SLC17A7: variants seen among roughly 807,000 people sequenced by gnomAD.
SLC17A7 encodes solute carrier family 17 member 7, also known as vesicular glutamate transporter 1.
In SLC17A7, 15 loss-of-function variants were observed where a neutral mutation model predicts 59.1. The observed-to-expected ratio is 0.25, with a 90% CI of 0.17 to 0.39. The LOEUF (loss-of-function observed/expected upper bound fraction) is 0.39, where lower values mean the gene tolerates loss of function less well. Among genes scored for constraint, SLC17A7 ranks in the 10% least tolerant of loss-of-function variants. The pLI, the probability that SLC17A7 is intolerant of heterozygous loss-of-function variation, is 1.00. For synonymous variants in SLC17A7, 353 were observed against 308.9 expected, an observed-to-expected ratio of 1.14 and a Z score of -1.50; for missense variants, 499 against 765.1, an observed-to-expected ratio of 0.65 and a Z score of 4.10.
rs371932406 is a variant in SLC17A7, at chr19:49,434,828, T to A, written c.489A>T (p.Ser163=). Residue 163 remains serine (S), a synonymous_variant, in exon 4 of 12, where the codon TCA becomes TCT. Transcript: ENST00000221485. ...ATSTLNMLIP[S]AARVHYGCVI... ...CACAGCCATAGTGGACGCGGGCAGC[T>A]GAGGGGATCAGCATGTTTAGAGTGG... 7.4e-6 allele frequency: 12 copies of A among 1,614,170 alleles called. No individual in the cohort carries two copies. In the South Asian group the frequency reaches 7.7e-5, roughly 10 times the overall value.
chr19:49,433,589 C>T lies in SLC17A7; in HGVS notation c.867+137G>A, dbSNP rs1274281651. On this transcript the variant is annotated intron_variant, in intron 7 of 11. Coordinates refer to ENST00000221485, the MANE Select transcript of SLC17A7 (RefSeq NM_020309.4). The surrounding 1 kb of genome is among the most constrained non-coding windows in gnomAD (Gnocchi z 5.7). ...TCCTCCGCGGGTTGCAACCCGCCTCCTAGGTTCTAGCCCCTCTCTTTGCGT... is the reference window on the plus strand; with the variant it reads ...TCCTCCGCGGGTTGCAACCCGCCTCTTAGGTTCTAGCCCCTCTCTTTGCGT... 1.5e-6 allele frequency: 2 copies of T among 1,318,314 alleles called. No individual in the cohort carries two copies. The highest frequency in any genetic ancestry group is 1.2e-5 in the South Asian group (1 of 80,016). 81.7% of individuals were successfully genotyped at this position (1,318,314 alleles called of 1,614,324 possible).
chr19:49,437,137 G>A lies in SLC17A7; in HGVS notation c.63-336C>T, dbSNP rs191994625. On this transcript the variant is annotated intron_variant, in intron 1 of 11. Transcript: ENST00000221485. The stretch of plus-strand genomic sequence containing the variant: ...CAAGAGCCTGTGCCCCCACTCCGAG[G>A]CCCAAAGACTCTCCAGCCGCCTCTC... 7 of 401,294 alleles carry A rather than the reference G, an allele frequency of 1.7e-5. No homozygotes were observed. In the East Asian group the frequency reaches 2.8e-4, roughly 16 times the overall value. The allele number at this position is 401,294 out of a possible 1,614,324, so 24.9% of individuals were successfully genotyped here. A position where few individuals can be genotyped will look rare whatever the true frequency, so the allele number is the denominator to read the frequency against.
Position 49,431,787 on chromosome 19 carries a change from T to TGGG in SLC17A7, c.1151-340_1151-339insCCC, listed in dbSNP as rs1568633805. Among the ~76,000 whole-genome samples the TGGG allele has an allele frequency of 2.7e-4, 41 of 150,158 alleles. No individual in the cohort carries two copies. The highest frequency in any genetic ancestry group is 8.5e-4 in the South Asian group (4 of 4,728). On this transcript the variant is annotated intron_variant, in intron 9 of 11. Coordinates refer to ENST00000221485, the MANE Select transcript of SLC17A7 (RefSeq NM_020309.4). This position sits in a 1 kb window ranked among gnomAD's most constrained non-coding sequence, Gnocchi z 4.6. ...TCCCCACTCATGAGTTTTTGGTTTT[T>TGGG]TTTTTTTTTAATTTTTGATTTTTTA...
At chr19:49,434,387 C>A (rs1054965834) in intron 5 of SLC17A7, among the ~76,000 whole-genome samples, 6 of 151,298 alleles carry the variant, frequency 4.0e-5, no homozygotes, top group Non-Finnish European at 8.9e-5. Flanking sequence ...CCCTCAGACC[C>A]AAGAGTCCAG....
intron 2 of SLC17A7, chr19:49,435,671 C>A (rs893659411): frequency 2.3e-5 from 4 of 171,892 alleles, no homozygotes; most frequent in Non-Finnish European, 4.9e-5. Context: ...AGGGGGCGGA[C>A]CAGATTGGAA....
rs1314253929 is a variant in SLC17A7 at position 49,432,606 on chromosome 19, C to G, written c.1063G>C (p.Val355Leu). 2 of 1,613,852 alleles carry G rather than the reference C, an allele frequency of 1.2e-6. No homozygotes were observed. Among genetic ancestry groups the G allele is most frequent in the Admixed American group, 1.7e-5 (1 of 60,004 alleles). ...ALPHLVMTII[V>L]PIGGQIADFL... ...TCCGCGATCTGGCCGCCGATGGGCA[C>G]GATGATGGTCATGACCAGGTGGGGC... The change falls in exon 9 of 12, where the codon GTG (valine) becomes CTG (leucine). Residue 355 changes from valine (V) to leucine (L), a missense_variant. This residue lies in a region of SLC17A7 where 323 missense variants were observed against 607.2 expected (regional missense o/e 0.53). Coordinates refer to ENST00000221485, the MANE Select transcript of SLC17A7 (RefSeq NM_020309.4).
chr19:49,432,940 C>T lies in SLC17A7; in HGVS notation c.888G>A (p.Arg296=). Residue 296 remains arginine (R), a synonymous_variant, in exon 8 of 12, where the codon CGG becomes CGA. Coordinates refer to ENST00000221485, the MANE Select transcript of SLC17A7 (RefSeq NM_020309.4). ...AGACTGGCATAGACGTGAAGAAGCG[C>T]CGCCAGGGAGTGCTAAACTTCTGTG... ...NPLTKFSTPW[R]RFFTSMPVYA... The T allele has an allele frequency of 6.2e-7, 1 of 1,607,736 alleles. No homozygotes were observed. The highest frequency in any genetic ancestry group is 8.5e-7 in the Non-Finnish European group (1 of 1,177,396).
Position 49,434,828 on chromosome 19 carries a change from T to G in SLC17A7, c.489A>C (p.Ser163=). ...ATSTLNMLIP[S]AARVHYGCVI... is the part of the protein sequence containing the mutation. ...CACAGCCATAGTGGACGCGGGCAGC[T>G]GAGGGGATCAGCATGTTTAGAGTGG... Residue 163 remains serine, a synonymous_variant, in exon 4 of 12, where the codon TCA becomes TCC. Transcript: ENST00000221485. 1 of 1,614,170 alleles carries G rather than the reference T, an allele frequency of 6.2e-7. No homozygotes were observed. Among genetic ancestry groups the G allele is most frequent in the Non-Finnish European group, 8.5e-7 (1 of 1,180,014 alleles).
chr19:49,430,176 G>T lies in SLC17A7; in HGVS notation c.*343C>A. 1 of 189,110 alleles carries T rather than the reference G, an allele frequency of 5.3e-6. No homozygotes were observed. The allele number at this position is 189,110 out of a possible 1,614,324, so 11.7% of individuals were successfully genotyped here. A position where few individuals can be genotyped will look rare whatever the true frequency, so the allele number is the denominator to read the frequency against. ...TGAGAGTCCCTGGAGATAAAGGAAA[G>T]CGGGGGGTGTGGGTGCCTCAAAACC... On this transcript the variant is annotated 3_prime_UTR_variant, in exon 12 of 12. Coordinates refer to ENST00000221485, the MANE Select transcript of SLC17A7 (RefSeq NM_020309.4).
In SLC17A7 at chr19:49,432,796, C is replaced by T. The variant is rs2078966024; in HGVS notation, c.1017+15G>A. ...ACCCCTCCGCGCCCCCCTGCCCTCT[C>T]CTCCTGGGCTCTACCTTGCTGATCT... is the stretch of plus-strand genomic sequence containing the variant. On this transcript the variant is annotated intron_variant, in intron 8 of 11. Transcript: ENST00000221485. 1 of 1,588,020 alleles carries T rather than the reference C, an allele frequency of 6.3e-7. No homozygotes were observed. Among genetic ancestry groups the T allele is most frequent in the African/African-American group, 1.3e-5 (1 of 74,492 alleles).
chr19:49,436,293 G>A lies in SLC17A7; in HGVS notation c.315+256C>T, dbSNP rs1159690837. ...CCCCTAGGGAACCTGATGTTGGGGC[G>A]GACTCTACATTTTTCAATCAAGCCC... On this transcript the variant is annotated intron_variant, in intron 2 of 11. Transcript: ENST00000221485. The surrounding 1 kb of genome is among the most constrained non-coding windows in gnomAD (Gnocchi z 4.1). The A allele has an allele frequency of 9.7e-5, 53 of 545,056 alleles. No individual in the cohort carries two copies. In the South Asian group the frequency reaches 1.3e-3, roughly 13 times the overall value. 33.8% of individuals were successfully genotyped at this position (545,056 alleles called of 1,614,324 possible). A position where few individuals can be genotyped will look rare whatever the true frequency, so the allele number is the denominator to read the frequency against.
intron 1 of SLC17A7, among the ~76,000 whole-genome samples, chr19:49,441,087 C>T (rs1295875594): frequency 1.3e-5 from 2 of 152,046 alleles, no homozygotes; most frequent in African/African-American, 4.8e-5. Context: ...GCATTTACAG[C>T]ACCAGAGAGA....
chr19:49,432,463 C>T (rs2078964178), intron 9 of SLC17A7, 56 bp downstream of exon 9: 8 of 1,571,824 alleles, frequency 5.1e-6, no homozygotes, highest in Non-Finnish European at 6.9e-6. Context: ...ACCTCTCAAT[C>T]CGGCTCTGCT....
At position 49,441,495 on chromosome 19, in the gene SLC17A7, G is replaced by T; in HGVS notation, c.-116C>A. ...GTCCAGCCCCGGCCCGGCCGGCCCCGCAGCTCCGCTCGGGGGGAAGGAGGC... is the reference window on the plus strand; with the variant it reads ...GTCCAGCCCCGGCCCGGCCGGCCCCTCAGCTCCGCTCGGGGGGAAGGAGGC... On this transcript the variant is annotated 5_prime_UTR_variant, in exon 1 of 12. Coordinates refer to ENST00000221485, the MANE Select transcript of SLC17A7 (RefSeq NM_020309.4). The T allele has an allele frequency of 1.9e-6, 2 of 1,072,996 alleles. No homozygotes were observed. Among genetic ancestry groups the T allele is most frequent in the Non-Finnish European group, 2.2e-6 (2 of 889,720 alleles). The allele number at this position is 1,072,996 out of a possible 1,614,324, so 66.5% of individuals were successfully genotyped here.
chr19:49,430,972 G>A, intron 11 of SLC17A7, 43 bp downstream of exon 11: 1 of 1,579,910 alleles, frequency 6.3e-7, no homozygotes, highest in Non-Finnish European at 8.6e-7. Flanking sequence ...TAGGTACGAA[G>A]CACACACTTG....
Position 49,436,958 on chromosome 19 carries a change from C to A in SLC17A7, c.63-157G>T, listed in dbSNP as rs578096967. ...AGTCCAGGTCCCTGGCTCCCTTCGC[C>A]CCCCTGATCCAGAAATCCTCCATCT... On this transcript the variant is annotated intron_variant, in intron 1 of 11. Coordinates refer to ENST00000221485, the MANE Select transcript of SLC17A7 (RefSeq NM_020309.4). The surrounding 1 kb of genome is among the most constrained non-coding windows in gnomAD (Gnocchi z 4.1). 9.7e-5 allele frequency: 107 copies of A among 1,101,144 alleles called. No individual in the cohort carries two copies. The African/African-American group carries it at 1.5e-3, about 16-fold the overall frequency. 68.2% of individuals were successfully genotyped at this position (1,101,144 alleles called of 1,614,324 possible).
chr19:49,433,304 A>G lies in SLC17A7; in HGVS notation c.868-344T>C. On this transcript the variant is annotated intron_variant, in intron 7 of 11. Coordinates refer to ENST00000221485, the MANE Select transcript of SLC17A7 (RefSeq NM_020309.4). This position sits in a 1 kb window ranked among gnomAD's most constrained non-coding sequence, Gnocchi z 5.7. ...AGACGGGGGTTTCGCCATGTTGCCC[A>G]AGCTGGTCTGGAACTCCTGGGCTCA... The G allele has an allele frequency of 1.0e-5, 4 of 395,292 alleles. No individual in the cohort carries two copies. In the South Asian group the frequency reaches 1.0e-4, roughly 10 times the overall value. 24.5% of individuals were successfully genotyped at this position (395,292 alleles called of 1,614,324 possible).
rs1249142274 is a variant in SLC17A7, at chr19:49,431,403, T to C, written c.1196A>G (p.His399Arg). Residue 399 changes from histidine to arginine, a missense_variant, in exon 10 of 12, where the codon CAC (histidine) becomes CGC (arginine). Transcript: ENST00000221485. The surrounding 1 kb of genome is among the most constrained non-coding windows in gnomAD (Gnocchi z 4.6). ...ATLLLVVGYS[H>R]SKGVAISFLV... ...GAAGGAGATGGCCACGCCCTTGGAG[T>C]GCGAGTAGCCGACCACCAACAGCAG... The C allele has an allele frequency of 2.5e-6, 4 of 1,613,404 alleles. No homozygotes were observed. The East Asian group carries it at 6.7e-5, about 27-fold the overall frequency.
At chr19:49,440,154 G>T (rs554745488) in intron 1 of SLC17A7, among the ~76,000 whole-genome samples, 1 of 152,246 alleles carries the variant, frequency 6.6e-6, no homozygotes, top group African/African-American at 2.4e-5. Context: ...ACTAGAGGGT[G>T]GGGTAACTTT....
Sources: allele counts gnomAD v4.1 joint callset (sites outside exome capture counted in the v4.1 genomes callset), GRCh38; gene constraint gnomAD v4.1.1; regional missense constraint gnomAD v4.1.1; non-coding constraint Gnocchi (gnomAD v3.1); transcripts MANE v1.5; gene names NCBI Gene and HGNC (gene_info 2026-07-23, HGNC 2026-07-21).